MYO5C: variants seen among roughly 807,000 people sequenced by gnomAD.
MYO5C encodes myosin VC.
In MYO5C, 194 loss-of-function variants were observed where a neutral mutation model predicts 235.7. That is an observed-to-expected ratio of 0.82 (90% confidence interval 0.73 to 0.93). The LOEUF is 0.93. Ranked by LOEUF, MYO5C falls within the 40% of genes least tolerant of loss-of-function variation. The probability of loss-of-function intolerance (pLI) is 0.00; values close to 1 mark genes in which losing one functional copy is unlikely to be tolerated. For missense variants in MYO5C, 2,038 were observed against 2,127.2 expected (o/e 0.96, Z 0.82); for synonymous variants, 707 against 754.8 (o/e 0.94, Z 1.04).
chr15:52,195,307 T>G, intron 40 of MYO5C, 70 bp downstream of exon 40: 1 of 1,029,050 alleles, frequency 9.7e-7, no homozygotes, highest in South Asian at 1.5e-5. Flanking sequence ...TCTATAATGT[T>G]AATTAAGTAT....
intron 24 of MYO5C, 135 bp from the exon 25 acceptor site, chr15:52,229,448 AC>A: frequency 1.3e-6 from 1 of 746,666 alleles, no homozygotes; most frequent in Admixed American, 2.9e-5. Flanking sequence ...AACAAGAGAG[AC>A]CCCGTCCCCA....
At chr15:52,288,849 G>T (rs139543433) in intron 1 of MYO5C, among the ~76,000 whole-genome samples, 1 of 152,272 alleles carries the variant, frequency 6.6e-6, no homozygotes, top group East Asian at 1.9e-4. Flanking sequence ...ATGCCAAGGC[G>T]CCAAGCTGAG....
At chr15:52,292,849 G>A (rs2037421066) in intron 1 of MYO5C, among the ~76,000 whole-genome samples, 1 of 152,254 alleles carries the variant, frequency 6.6e-6, no homozygotes, top group South Asian at 2.1e-4. Flanking sequence ...GACAGACAGA[G>A]GCTCAGACAG....
intron 10 of MYO5C, 50 bp downstream of exon 10, chr15:52,260,812 G>A: frequency 5.1e-6 from 8 of 1,580,144 alleles, no homozygotes; most frequent in South Asian, 1.1e-5. Context: ...AAACCATGCG[G>A]CTCTCAACAT....
chr15:52,220,451 CA>C (rs1320625101), intron 30 of MYO5C, among the ~76,000 whole-genome samples: 1 of 152,118 alleles, frequency 6.6e-6, no homozygotes, highest in Non-Finnish European at 1.5e-5. Flanking sequence ...CTCCCGGGCT[CA>C]AGTAATCCTT....
At chr15:52,244,229 G>GC in intron 19 of MYO5C, 127 bp downstream of exon 19, 1 of 822,786 alleles carries the variant, frequency 1.2e-6, no homozygotes, top group Non-Finnish European at 1.9e-6. Flanking sequence ...CCACAAAGGG[G>GC]ACCCATGCAC....
At chr15:52,270,296 C>CA (rs554551714) in intron 7 of MYO5C, among the ~76,000 whole-genome samples, 4 of 151,834 alleles carry the variant, frequency 2.6e-5, no homozygotes, top group Admixed American at 6.6e-5. Flanking sequence ...AAAACAACAA[C>CA]AAAAAAAATC....
chr15:52,276,902 G>A (rs2037063809), intron 4 of MYO5C, among the ~76,000 whole-genome samples: 1 of 151,870 alleles, frequency 6.6e-6, no homozygotes, highest in African/African-American at 2.4e-5. Flanking sequence ...CCAGGTGCTG[G>A]GTGAATACAG....
intron 10 of MYO5C, among the ~76,000 whole-genome samples, chr15:52,258,306 A>AAG (rs1307067139): frequency 2.0e-5 from 3 of 152,194 alleles, no homozygotes; most frequent in African/African-American, 7.2e-5. Context: ...ATCACCCTGC[A>AAG]AGAGAGGCCC....
At chr15:52,198,447 G>A (rs1235143764) in intron 38 of MYO5C, among the ~76,000 whole-genome samples, 1 of 152,206 alleles carries the variant, frequency 6.6e-6, no homozygotes, top group African/African-American at 2.4e-5. Flanking sequence ...TTATTCCATA[G>A]GATAGTGGGT....
intron 10 of MYO5C, 171 bp from the exon 11 acceptor site, chr15:52,256,891 T>C: frequency 1.8e-6 from 1 of 565,728 alleles, no homozygotes; most frequent in Non-Finnish European, 3.1e-6. Flanking sequence ...AGTTTATAAA[T>C]AACCCTTTTC....
In MYO5C at chr15:52,256,702, C is replaced by A; in HGVS notation, c.1332G>T (p.Val444=). ...TGATGCAAAATTGTTCAAAGCTGTT[C>A]ACATCAAAGGTTTCAAAACTGAAAT... The part of the protein sequence containing the change: ...LDIYGFETFD[V]NSFEQFCINY... Residue 444 remains valine, a synonymous_variant, in exon 11 of 41, where the codon GTG becomes GTT. Transcript: ENST00000261839. 6.2e-7 allele frequency: 1 copy of A among 1,611,652 alleles called. No individual in the cohort carries two copies. Among genetic ancestry groups the A allele is most frequent in the South Asian group, 1.1e-5 (1 of 90,990 alleles).
chr15:52,285,185 T>C (rs2037234072), intron 1 of MYO5C, among the ~76,000 whole-genome samples: 2 of 152,158 alleles, frequency 1.3e-5, no homozygotes, highest in Non-Finnish European at 2.9e-5. Flanking sequence ...TTGGCCAACA[T>C]GGTGAAACCC....
Position 52,193,816 on chromosome 15 carries a change from T to G in MYO5C, c.*86A>C. 1 of 1,437,316 alleles carries G rather than the reference T, an allele frequency of 7.0e-7. No individual in the cohort carries two copies. 89.0% of individuals were successfully genotyped at this position (1,437,316 alleles called of 1,614,324 possible). A position where few individuals can be genotyped will look rare whatever the true frequency, so the allele number is the denominator to read the frequency against. ...TTTTCTTCCTTAAATCACATTCCAATTTCCACTGCCAATTAATAAAACACA... is the reference window on the plus strand; with the variant it reads ...TTTTCTTCCTTAAATCACATTCCAAGTTCCACTGCCAATTAATAAAACACA... On this transcript the variant is annotated 3_prime_UTR_variant, in exon 41 of 41. Transcript: ENST00000261839.
rs1380497600 is a variant in MYO5C at position 52,275,605 on chromosome 15, G to A, written c.563C>T (p.Ala188Val). 4 of 1,614,212 alleles carry A rather than the reference G, an allele frequency of 2.5e-6. No individual in the cohort carries two copies. The highest frequency in any genetic ancestry group is 1.7e-5 in the Admixed American group (1 of 60,014). ...FATVSKSGSN[A>V]HVEDKVLASN... ...TGCCAGGACCTTGTCTTCCACGTGAGCGTTGCTGCCCGATTTGCTGACGGT... is the reference window on the plus strand; with the variant it reads ...TGCCAGGACCTTGTCTTCCACGTGAACGTTGCTGCCCGATTTGCTGACGGT... Residue 188 changes from alanine to valine, a missense_variant, in exon 5 of 41, where the codon GCT (alanine) becomes GTT (valine). Transcript: ENST00000261839.
rs773999508 is a variant in MYO5C, at chr15:52,245,945, G to A, written c.2066+11C>T. On this transcript the variant is annotated intron_variant, in intron 17 of 40. Transcript: ENST00000261839. ...GTACTTTTCCCTCCAAGACAAGGAC[G>A]GACAACATACCTGGAAGGGTAGCTC... The A allele has an allele frequency of 1.9e-5, 30 of 1,612,498 alleles. No homozygotes were observed. Among genetic ancestry groups the A allele is most frequent in the African/African-American group, 4.0e-5 (3 of 74,910 alleles).
intron 10 of MYO5C, among the ~76,000 whole-genome samples, chr15:52,258,427 G>A (rs2036625198): frequency 6.6e-6 from 1 of 152,162 alleles, no homozygotes; most frequent in African/African-American, 2.4e-5. Flanking sequence ...CCAGACCCAG[G>A]TTTTTCCAAC....
intron 39 of MYO5C, 104 bp from the exon 40 acceptor site, chr15:52,195,561 CT>C (rs2035028008): frequency 1.5e-6 from 1 of 681,784 alleles, no homozygotes; most frequent in Non-Finnish European, 2.3e-6. Context: ...ACAGGTGGTT[CT>C]TTTAGCCTAT....
intron 11 of MYO5C, among the ~76,000 whole-genome samples, chr15:52,256,195 C>G (rs1020497937): frequency 6.6e-6 from 1 of 152,088 alleles, no homozygotes; most frequent in East Asian, 1.9e-4. Flanking sequence ...CAGGAGGTAT[C>G]GCAGGAGGCT....
Sources: gnomAD v4.1 joint callset for allele counts (sites outside exome capture counted in the v4.1 genomes callset) on GRCh38, gnomAD v4.1.1 for gene constraint, MANE v1.5 for transcripts, NCBI Gene and HGNC (gene_info 2026-07-23, HGNC 2026-07-21) for gene names.